Variants in EFTUD2 observed in about 807,000 individuals in gnomAD.
EFTUD2 encodes the protein 116 kDa U5 small nuclear ribonucleoprotein component.
Under a neutral mutation model 114.3 loss-of-function variants are expected in EFTUD2, and 9 were observed. That is an observed-to-expected ratio of 0.08 (90% CI 0.05 to 0.14). EFTUD2 has a LOEUF of 0.14. EFTUD2 is among the 10% of genes least tolerant of loss of function. The pLI, the probability that EFTUD2 is intolerant of heterozygous loss-of-function variation, is 1.00. For synonymous variants in EFTUD2, 449 were observed against 462.3 expected (o/e 0.97, Z 0.37); for missense variants, 765 against 1,241.2 (o/e 0.62, Z 5.76).
At chr17:44,853,904 A>T in intron 23 of EFTUD2, 1 of 1,365,908 alleles carries the variant, frequency 7.3e-7, no homozygotes, top group South Asian at 1.8e-5. Flanking sequence ...GCACATATTT[A>T]CATTTTTGTG....
chr17:44,891,670 A>G (rs1026696234), intron 2 of EFTUD2, among the ~76,000 whole-genome samples: 59 of 152,108 alleles, frequency 3.9e-4, no homozygotes, highest in African/African-American at 1.4e-3. Context: ...TTTATTTTAA[A>G]AATTTTTTTG....
intron 2 of EFTUD2, chr17:44,894,146 C>G (rs2051334059): frequency 5.9e-6 from 2 of 341,768 alleles, no homozygotes; most frequent in Non-Finnish European, 1.1e-5. Flanking sequence ...GAGGCCAAGG[C>G]AGGTGGACTG....
intron 16 of EFTUD2, among the ~76,000 whole-genome samples, chr17:44,862,290 C>T (rs1236112571): frequency 6.6e-6 from 1 of 151,996 alleles, no homozygotes; most frequent in Admixed American, 6.6e-5. Context: ...TAAAAATTAG[C>T]CAGACATAGT....
At chr17:44,855,178 G>A (rs2050526819) in intron 20 of EFTUD2, among the ~76,000 whole-genome samples, 174 bp from the exon 21 acceptor site, 1 of 152,198 alleles carries the variant, frequency 6.6e-6, no homozygotes, top group South Asian at 2.1e-4. Flanking sequence ...CAAGGCAGGA[G>A]GATCACTGAA....
intron 12 of EFTUD2, 116 bp from the exon 13 acceptor site, chr17:44,868,013 G>T: frequency 9.4e-7 from 1 of 1,060,392 alleles, no homozygotes; most frequent in Non-Finnish European, 1.3e-6. Context: ...ATGTGTGTGT[G>T]ACTGTAAAGT....
chr17:44,891,879 C>A (rs1443377583), intron 2 of EFTUD2: 2 of 152,138 alleles, frequency 1.3e-5, no homozygotes, highest in Non-Finnish European at 2.9e-5. Context: ...CTGCCTCAGC[C>A]TCCCGAGTAG....
chr17:44,851,173 ACT>A lies in EFTUD2; in HGVS notation c.*99_*100del. On this transcript the variant is annotated 3_prime_UTR_variant, in exon 28 of 28. Coordinates refer to ENST00000426333, the MANE Select transcript of EFTUD2 (RefSeq NM_004247.4). ...AAGATGGCAACAGCAGCTTCCAGAC[ACT>A]CTCTGACAACACGAAGGCCACGTCA... 2 of 931,330 alleles carry A rather than the reference ACT, an allele frequency of 2.1e-6. No individual in the cohort carries two copies. The highest frequency in any genetic ancestry group is 1.6e-5 in the African/African-American group (1 of 61,738). The allele number at this position is 931,330 out of a possible 1,614,324, so 57.7% of individuals were successfully genotyped here.
chr17:44,880,054 G>A (rs2051042487), intron 8 of EFTUD2, among the ~76,000 whole-genome samples: 1 of 152,126 alleles, frequency 6.6e-6, no homozygotes, highest in Non-Finnish European at 1.5e-5. Flanking sequence ...GAGGTATCAG[G>A]ACACTGGGCA....
At chr17:44,858,302 C>T (rs566468268) in intron 19 of EFTUD2, among the ~76,000 whole-genome samples, 49 of 152,260 alleles carry the variant, frequency 3.2e-4, no homozygotes, top group Non-Finnish European at 5.6e-4. Flanking sequence ...GTGGCATGAT[C>T]GTAGCTCACT....
chr17:44,879,689 A>G (rs778767129), intron 8 of EFTUD2, 51 bp from the exon 9 acceptor site: 3 of 1,580,988 alleles, frequency 1.9e-6, no homozygotes, highest in Non-Finnish European at 2.6e-6. Flanking sequence ...ATAAAGCACA[A>G]TTAACTGGTA....
chr17:44,896,941 G>C (rs2051396604), intron 1 of EFTUD2, among the ~76,000 whole-genome samples: 1 of 152,158 alleles, frequency 6.6e-6, no homozygotes, highest in South Asian at 2.1e-4. Context: ...GTCCAGCTGG[G>C]TGCAGTGGCT....
intron 4 of EFTUD2, 142 bp from the exon 5 acceptor site, chr17:44,883,866 T>C: frequency 2.8e-6 from 2 of 705,432 alleles, no homozygotes; most frequent in South Asian, 1.6e-5. Flanking sequence ...TGAATGTCTA[T>C]ACTTACATAG....
At chr17:44,879,247 G>A (rs926427317) in intron 9 of EFTUD2, among the ~76,000 whole-genome samples, 5 of 152,064 alleles carry the variant, frequency 3.3e-5, no homozygotes, top group African/African-American at 1.2e-4. Flanking sequence ...CACCACACCT[G>A]GCTAATTTTT....
intron 16 of EFTUD2, among the ~76,000 whole-genome samples, chr17:44,862,305 T>G (rs996429346): frequency 1.3e-5 from 2 of 152,026 alleles, no homozygotes; most frequent in Non-Finnish European, 2.9e-5. Context: ...CATAGTGGTG[T>G]GTGCTTGTAG....
intron 27 of EFTUD2, 128 bp downstream of exon 27, chr17:44,851,582 T>G: frequency 9.4e-7 from 1 of 1,058,374 alleles, no homozygotes; most frequent in Non-Finnish European, 1.4e-6. Context: ...GCCTAAGGAG[T>G]ATACAGATCA....
chr17:44,878,057 A>G (rs990716864), intron 9 of EFTUD2, among the ~76,000 whole-genome samples: 1 of 151,820 alleles, frequency 6.6e-6, no homozygotes, highest in Non-Finnish European at 1.5e-5. Context: ...AATTGCTTGA[A>G]CCCAAAAGGC....
chr17:44,881,427 C>T (rs1469072476), intron 7 of EFTUD2, among the ~76,000 whole-genome samples: 2 of 151,282 alleles, frequency 1.3e-5, no homozygotes, highest in African/African-American at 4.9e-5. Context: ...CCTCTTAGTA[C>T]TTCTCCTATA....
At chr17:44,856,362 C>T (rs1456161227) in intron 20 of EFTUD2, among the ~76,000 whole-genome samples, 1 of 151,020 alleles carries the variant, frequency 6.6e-6, no homozygotes, top group Non-Finnish European at 1.5e-5. Context: ...AACCCCACCT[C>T]TACTAAAAAT....
In EFTUD2 at chr17:44,863,724, C is replaced by T. The variant is rs142657752; in HGVS notation, c.1344G>A (p.Lys448=). 31 of 1,614,056 alleles carry T rather than the reference C, an allele frequency of 1.9e-5. No individual in the cohort carries two copies. The highest frequency in any genetic ancestry group is 2.4e-5 in the Non-Finnish European group (28 of 1,180,016). ...CACCACCGGTGTAGGTGTGCTCAATCTTGGGCTTGGCGCCCACCTTTGGAG... is the reference window on the plus strand; with the variant it reads ...CACCACCGGTGTAGGTGTGCTCAATTTTGGGCTTGGCGCCCACCTTTGGAG... ...IPSPKVGAKP[K]IEHTYTGGVD... is the part of the protein sequence containing the mutation. Residue 448 remains lysine, a synonymous_variant, in exon 15 of 28, where the codon AAG becomes AAA. Coordinates refer to ENST00000426333, the MANE Select transcript of EFTUD2 (RefSeq NM_004247.4).
Sources: gnomAD v4.1 joint callset for allele counts (sites outside exome capture counted in the v4.1 genomes callset) on GRCh38, gnomAD v4.1.1 for gene constraint, MANE v1.5 for transcripts, NCBI Gene and HGNC (gene_info 2026-07-23, HGNC 2026-07-21) for gene names.